Variants in PKD1L1 observed in about 807,000 individuals in gnomAD.
PKD1L1 encodes polycystin-1-like protein 1.
PKD1L1 carries 236 observed loss-of-function variants against 323.4 expected under a neutral mutation model. The ratio of observed to expected loss-of-function variants is 0.73; its 90% CI spans 0.66 to 0.81. The LOEUF (loss-of-function observed/expected upper bound fraction) is 0.81, where lower values mean the gene tolerates loss of function less well. PKD1L1 is among the 40% of genes least tolerant of loss of function. The pLI is 0.00. For missense variants in PKD1L1, 3,320 were observed against 3,508.0 expected, an observed-to-expected ratio of 0.95 and a Z score of 1.35; for synonymous variants, 1,344 against 1,335.0, an observed-to-expected ratio of 1.01 and a Z score of -0.15.
At chr7:47,872,160 T>C (rs1786295310) in intron 24 of PKD1L1, among the ~76,000 whole-genome samples, 2 of 152,216 alleles carry the variant, frequency 1.3e-5, no homozygotes, top group Non-Finnish European at 2.9e-5. Context: ...TGTTTTGTTT[T>C]GTTTTTCTAC....
chr7:47,907,030 C>T (rs1787220411), intron 9 of PKD1L1, among the ~76,000 whole-genome samples: 1 of 152,196 alleles, frequency 6.6e-6, no homozygotes, highest in Admixed American at 6.5e-5. Flanking sequence ...GAATTGTGCC[C>T]TTGCACTGGC....
Position 47,915,429 on chromosome 7 carries a change from T to C in PKD1L1, c.1228+3A>G, listed in dbSNP as rs1454954509. 3.4e-6 allele frequency: 3 copies of C among 874,876 alleles called. No homozygotes were observed. The highest frequency in any genetic ancestry group is 3.3e-5 in the African/African-American group (2 of 60,654). 54.2% of individuals were successfully genotyped at this position (874,876 alleles called of 1,614,324 possible). A position where few individuals can be genotyped will look rare whatever the true frequency, so the allele number is the denominator to read the frequency against. On this transcript the variant is annotated splice_donor_region_variant and intron_variant, in intron 8 of 56. Coordinates refer to ENST00000289672, the MANE Select transcript of PKD1L1 (RefSeq NM_138295.5). The stretch of plus-strand genomic sequence containing the variant: ...TGGCCTCTTTTTGCTTTTAAAAACA[T>C]ACTGGTGACAAAGGCAGAAATAAGC...
At chr7:47,853,322 A>C (rs993381786) in intron 30 of PKD1L1, 95 bp from the exon 31 acceptor site, 1 of 906,420 alleles carries the variant, frequency 1.1e-6, no homozygotes, top group Admixed American at 2.0e-5. Flanking sequence ...CAATTTGTGC[A>C]AAACATCCTT....
intron 37 of PKD1L1, among the ~76,000 whole-genome samples, chr7:47,835,493 C>T (rs377240243): frequency 3.3e-5 from 5 of 152,130 alleles, no homozygotes; most frequent in Admixed American, 6.5e-5. Context: ...CTCCGCCTCC[C>T]GGGTTCAAGC....
In PKD1L1 at chr7:47,847,139, C is replaced by T. The variant is rs115948423; in HGVS notation, c.4961-68G>A. 307 of 1,315,138 alleles carry T rather than the reference C, an allele frequency of 2.3e-4. No homozygotes were observed. The East Asian group carries it at 3.5e-3, about 15-fold the overall frequency. 81.5% of individuals were successfully genotyped at this position (1,315,138 alleles called of 1,614,324 possible). On this transcript the variant is annotated intron_variant, in intron 31 of 56. Transcript: ENST00000289672. ...GCAGAAAGGCATTCTCCATTTCAAA[C>T]GCAGACAGAGTAGGCAGATAGGTGG...
intron 8 of PKD1L1, among the ~76,000 whole-genome samples, chr7:47,911,500 T>C (rs1787320707): frequency 6.6e-6 from 1 of 152,206 alleles, no homozygotes; most frequent in Non-Finnish European, 1.5e-5. Context: ...CCAATGAATA[T>C]GTATCAAAGT....
chr7:47,790,682 G>A (rs1786923679), intron 56 of PKD1L1, among the ~76,000 whole-genome samples: 1 of 152,112 alleles, frequency 6.6e-6, no homozygotes, highest in South Asian at 2.1e-4. Context: ...TTCAGGGGTA[G>A]GAGGTATCTA....
chr7:47,932,222 G>A (rs1787785618), intron 4 of PKD1L1, among the ~76,000 whole-genome samples, 166 bp from the exon 5 acceptor site: 1 of 152,186 alleles, frequency 6.6e-6, no homozygotes, highest in Admixed American at 6.5e-5. Flanking sequence ...TGACCATGGG[G>A]ATATGATGTG....
At position 47,866,489 on chromosome 7, in the gene PKD1L1, G is replaced by A; in HGVS notation, c.4022C>T (p.Ser1341Phe). 1 of 1,613,946 alleles carries A rather than the reference G, an allele frequency of 6.2e-7. No homozygotes were observed. Among genetic ancestry groups the A allele is most frequent in the East Asian group, 2.2e-5 (1 of 44,872 alleles). ...SRLSKEDKTA[S>F]CNQWSRIQDA... ...CTGTATTCGTGACCATTGGTTGCAG[G>A]AGGCAGTTTTGTCCTCCTTAGACAA... is the stretch of plus-strand genomic sequence containing the variant. The change falls in exon 25 of 57, where the codon TCC becomes TTC. Residue 1341 changes from serine (S) to phenylalanine (F), a missense_variant. Coordinates refer to ENST00000289672, the MANE Select transcript of PKD1L1 (RefSeq NM_138295.5).
intron 26 of PKD1L1, 69 bp downstream of exon 26, chr7:47,865,147 C>A: frequency 8.6e-7 from 1 of 1,168,398 alleles, no homozygotes; most frequent in South Asian, 1.3e-5. Flanking sequence ...GTGTATTTTT[C>A]AAGAACTGAT....
intron 53 of PKD1L1, among the ~76,000 whole-genome samples, chr7:47,802,798 T>C (rs879826053): frequency 8.5e-5 from 13 of 152,194 alleles, no homozygotes; most frequent in Non-Finnish European, 1.2e-4. Flanking sequence ...TGTGCCCTGT[T>C]GTTTGAGACA....
intron 24 of PKD1L1, among the ~76,000 whole-genome samples, chr7:47,868,539 T>C (rs1263687370): frequency 6.6e-6 from 1 of 151,972 alleles, no homozygotes; most frequent in African/African-American, 2.4e-5. Flanking sequence ...TTAAAAGCAA[T>C]TTCTAAAAAT....
chr7:47,932,522 T>G (rs548992994), intron 4 of PKD1L1, among the ~76,000 whole-genome samples: 1 of 152,328 alleles, frequency 6.6e-6, no homozygotes, highest in South Asian at 2.1e-4. Flanking sequence ...GGAATGGGAC[T>G]CAAGGACCGT....
At chr7:47,930,771 C>T (rs894930321) in intron 6 of PKD1L1, among the ~76,000 whole-genome samples, 18 of 152,076 alleles carry the variant, frequency 1.2e-4, no homozygotes, top group Admixed American at 3.3e-4. Context: ...GCCGAGATCA[C>T]GCCACTGCAC....
intron 24 of PKD1L1, among the ~76,000 whole-genome samples, chr7:47,873,676 G>GAAAAAAAAAA (rs1562967528): frequency 2.3e-5 from 3 of 131,916 alleles, no homozygotes; most frequent in Non-Finnish European, 3.1e-5. Context: ...AAAAAAGAAG[G>GAAAAAAAAAA]AGAAGAAAGT....
At chr7:47,781,258 T>C (rs1034689253) in intron 56 of PKD1L1, among the ~76,000 whole-genome samples, 1 of 152,202 alleles carries the variant, frequency 6.6e-6, no homozygotes, top group Non-Finnish European at 1.5e-5. Context: ...ATTTTTACTG[T>C]TGAATTCTGA....
chr7:47,883,221 C>A (rs180867428), intron 19 of PKD1L1, among the ~76,000 whole-genome samples: 1 of 152,144 alleles, frequency 6.6e-6, no homozygotes, highest in African/African-American at 2.4e-5. Flanking sequence ...GAAACAAAAG[C>A]GTTCTGGCTA....
chr7:47,823,154 AC>A (rs1395485439), intron 45 of PKD1L1, among the ~76,000 whole-genome samples: 1 of 152,164 alleles, frequency 6.6e-6, no homozygotes, highest in African/African-American at 2.4e-5. Flanking sequence ...ATCTTAAAAA[AC>A]ATTCGATATC....
intron 27 of PKD1L1, 42 bp downstream of exon 27, chr7:47,858,631 T>C (rs1386784130): frequency 3.2e-6 from 5 of 1,548,440 alleles, no homozygotes; most frequent in Non-Finnish European, 4.5e-6. Context: ...TCCTGGGATA[T>C]GGAAACAGTA....
Sources: gnomAD v4.1 joint callset for allele counts (sites outside exome capture counted in the v4.1 genomes callset) on GRCh38, gnomAD v4.1.1 for gene constraint, MANE v1.5 for transcripts, NCBI Gene and HGNC (gene_info 2026-07-23, HGNC 2026-07-21) for gene names.